FAM227B: variants seen among roughly 807,000 people sequenced by gnomAD.
FAM227B encodes the protein protein FAM227B.
In FAM227B, 88 loss-of-function variants were observed where a neutral mutation model predicts 73.8. The observed-to-expected ratio is 1.19, with a 90% CI of 1.00 to 1.42. FAM227B has a LOEUF of 1.42. FAM227B is among the 40% of genes most tolerant of loss of function. FAM227B has a pLI of 0.00. For synonymous variants in FAM227B, 210 were observed against 190.5 expected, an observed-to-expected ratio of 1.10 and a Z score of -0.84; for missense variants, 632 against 590.9, an observed-to-expected ratio of 1.07 and a Z score of -0.72.
intron 1 of FAM227B, among the ~76,000 whole-genome samples, chr15:49,615,727 G>A (rs1361129461): frequency 6.6e-6 from 1 of 152,134 alleles, no homozygotes; most frequent in Non-Finnish European, 1.5e-5. Context: ...ATGTGAGAAC[G>A]GACTAACGCA....
intron 13 of FAM227B, among the ~76,000 whole-genome samples, chr15:49,347,172 C>T (rs2041629286): frequency 6.6e-6 from 1 of 152,156 alleles, no homozygotes; most frequent in Admixed American, 6.5e-5. Context: ...CTATTGAAAA[C>T]ATTAACACTT....
intron 11 of FAM227B, among the ~76,000 whole-genome samples, chr15:49,437,767 A>C (rs2051241137): frequency 6.6e-6 from 1 of 151,682 alleles, no homozygotes; most frequent in African/African-American, 2.4e-5. Context: ...CAATGCAAGC[A>C]CCCACCATTG....
At chr15:49,350,413 ATAATC>A (rs2042074833) in intron 13 of FAM227B, among the ~76,000 whole-genome samples, 1 of 152,188 alleles carries the variant, frequency 6.6e-6, no homozygotes, top group Non-Finnish European at 1.5e-5. Context: ...TTTGCTCTAA[ATAATC>A]TATATTGCAT....
At chr15:49,602,398 A>ATGT (rs1261405488) in intron 3 of FAM227B, among the ~76,000 whole-genome samples, 10 of 152,312 alleles carry the variant, frequency 6.6e-5, no homozygotes, top group South Asian at 2.1e-4. Flanking sequence ...ATGATCAGTG[A>ATGT]TGTTGAGCAC....
chr15:49,550,594 C>A (rs531078205), intron 9 of FAM227B, among the ~76,000 whole-genome samples: 59 of 149,888 alleles, frequency 3.9e-4, no homozygotes, highest in African/African-American at 1.4e-3. Context: ...CGCTCCTCAC[C>A]TCCCAGACGG....
At chr15:49,395,186 T>C (rs1358088299) in intron 11 of FAM227B, among the ~76,000 whole-genome samples, 1 of 152,214 alleles carries the variant, frequency 6.6e-6, no homozygotes, top group Non-Finnish European at 1.5e-5. Context: ...TAGCTTTCTT[T>C]TGGTAAATAG....
intron 9 of FAM227B, among the ~76,000 whole-genome samples, chr15:49,561,546 A>G (rs2074259237): frequency 6.6e-6 from 1 of 152,130 alleles, no homozygotes; most frequent in Non-Finnish European, 1.5e-5. Flanking sequence ...CACTCCACCC[A>G]TCAACTAGAA....
chr15:49,474,502 A>C (rs2055063592), intron 11 of FAM227B, among the ~76,000 whole-genome samples: 1 of 152,230 alleles, frequency 6.6e-6, no homozygotes, highest in South Asian at 2.1e-4. Flanking sequence ...AGACAGGTAA[A>C]TCAATGGGAC....
intron 10 of FAM227B, among the ~76,000 whole-genome samples, chr15:49,510,410 G>A (rs916950846): frequency 1.3e-5 from 2 of 151,924 alleles, no homozygotes; most frequent in South Asian, 2.1e-4. Flanking sequence ...GTTAATAATT[G>A]TTGGATGTTT....
At chr15:49,522,808 A>G (rs547702452) in intron 10 of FAM227B, among the ~76,000 whole-genome samples, 3 of 152,306 alleles carry the variant, frequency 2.0e-5, no homozygotes, top group South Asian at 2.1e-4. Context: ...AACCAAACCT[A>G]TGACTTATAG....
intron 10 of FAM227B, among the ~76,000 whole-genome samples, chr15:49,536,469 G>T (rs138380799): frequency 6.6e-6 from 1 of 151,894 alleles, no homozygotes; most frequent in African/African-American, 2.4e-5. Flanking sequence ...AATCAATATG[G>T]TTAATATGTC....
intron 13 of FAM227B, among the ~76,000 whole-genome samples, chr15:49,363,784 T>C (rs1010823530): frequency 2.0e-5 from 3 of 152,172 alleles, no homozygotes; most frequent in Non-Finnish European, 4.4e-5. Context: ...TTGAAGTATG[T>C]TCCTTCAATG....
chr15:49,413,871 C>T (rs921049460), intron 11 of FAM227B, among the ~76,000 whole-genome samples: 2 of 151,200 alleles, frequency 1.3e-5, no homozygotes, highest in Non-Finnish European at 2.9e-5. Flanking sequence ...GAATGCTCTA[C>T]CTCCACTTCT....
At chr15:49,357,868 C>A (rs565974338) in intron 13 of FAM227B, among the ~76,000 whole-genome samples, 1 of 151,862 alleles carries the variant, frequency 6.6e-6, no homozygotes, top group African/African-American at 2.4e-5. Context: ...ATCCAGCAGC[C>A]CATCAAAAAG....
intron 1 of FAM227B, chr15:49,620,233 T>C (rs1445318562): frequency 6.6e-6 from 1 of 152,244 alleles, no homozygotes; most frequent in Non-Finnish European, 1.5e-5. Flanking sequence ...GTAGTAAGAA[T>C]ATTGCATTTT....
At chr15:49,521,665 T>G (rs926366472) in intron 10 of FAM227B, among the ~76,000 whole-genome samples, 1 of 152,166 alleles carries the variant, frequency 6.6e-6, no homozygotes, top group African/African-American at 2.4e-5. Context: ...TGTTTGGAGC[T>G]GGGGAGAGAG....
chr15:49,607,376 G>A (rs1478260611), intron 3 of FAM227B, among the ~76,000 whole-genome samples: 1 of 152,104 alleles, frequency 6.6e-6, no homozygotes, highest in East Asian at 1.9e-4. Context: ...GGAAAACTGT[G>A]TCAAAAATTT....
chr15:49,338,717 G>A (rs1193648821), intron 13 of FAM227B, among the ~76,000 whole-genome samples: 2 of 152,218 alleles, frequency 1.3e-5, no homozygotes, highest in African/African-American at 4.8e-5. Context: ...ATCCTGAAGA[G>A]TGTTTTCCAA....
chr15:49,449,687 A>G (rs2052545330), intron 11 of FAM227B, among the ~76,000 whole-genome samples: 1 of 152,028 alleles, frequency 6.6e-6, no homozygotes, highest in African/African-American at 2.4e-5. Context: ...TTTCAGATGA[A>G]TTGCTGCCAA....
Sources: allele counts gnomAD v4.1 joint callset (sites outside exome capture counted in the v4.1 genomes callset), GRCh38; gene constraint gnomAD v4.1.1; transcripts MANE v1.5; gene names NCBI Gene and HGNC (gene_info 2026-07-23, HGNC 2026-07-21).